RAB3IP: variants seen among roughly 807,000 people sequenced by gnomAD.
The protein encoded by RAB3IP is RAB3A interacting protein, also known as rab-3A-interacting protein.
Under a neutral mutation model 59.1 loss-of-function variants are expected in RAB3IP, and 36 were observed. The observed-to-expected ratio is 0.61, with a 90% CI of 0.47 to 0.80. RAB3IP has a LOEUF of 0.80. Among genes scored for constraint, RAB3IP ranks in the 30% least tolerant of loss-of-function variants. RAB3IP has a pLI of 0.00. For synonymous variants in RAB3IP, 207 were observed against 191.2 expected, an observed-to-expected ratio of 1.08 and a Z score of -0.68; for missense variants, 511 against 536.0, an observed-to-expected ratio of 0.95 and a Z score of 0.46.
chr12:69,792,435 T>G (rs576276794), intron 4 of RAB3IP, among the ~76,000 whole-genome samples: 1 of 152,348 alleles, frequency 6.6e-6, no homozygotes, highest in South Asian at 2.1e-4. Flanking sequence ...GCTTTCATAT[T>G]GCAACAGCAG....
intron 3 of RAB3IP, among the ~76,000 whole-genome samples, chr12:69,758,180 TTTAC>T (rs1870530365): frequency 1.3e-5 from 2 of 152,342 alleles, no homozygotes; most frequent in African/African-American, 2.4e-5. Context: ...TTCTATACTT[TTTAC>T]TTACTTGGTT....
intron 3 of RAB3IP, among the ~76,000 whole-genome samples, chr12:69,760,226 G>T (rs532719092): frequency 1.3e-5 from 2 of 152,376 alleles, no homozygotes; most frequent in South Asian, 4.1e-4. Context: ...AAAAAAATAC[G>T]AAAACCAGTC....
At chr12:69,744,188 G>A (rs375180501) in intron 1 of RAB3IP, among the ~76,000 whole-genome samples, 26 of 151,880 alleles carry the variant, frequency 1.7e-4, no homozygotes, top group African/African-American at 5.3e-4. Context: ...CCCTGTGTCC[G>A]TGTGTTCTCA....
intron 1 of RAB3IP, among the ~76,000 whole-genome samples, chr12:69,747,984 G>C (rs1468733719): frequency 2.0e-5 from 3 of 151,880 alleles, no homozygotes; most frequent in Non-Finnish European, 2.9e-5. Context: ...GTAGTGCTTT[G>C]AGGAATTTTA....
At chr12:69,747,451 G>T (rs1387930472) in intron 1 of RAB3IP, among the ~76,000 whole-genome samples, 1 of 152,092 alleles carries the variant, frequency 6.6e-6, no homozygotes, top group Non-Finnish European at 1.5e-5. Flanking sequence ...ACAGGCGTAT[G>T]CCACCACACT....
At chr12:69,751,365 C>A (rs1412696977) in intron 1 of RAB3IP, among the ~76,000 whole-genome samples, 1 of 152,070 alleles carries the variant, frequency 6.6e-6, no homozygotes, top group Non-Finnish European at 1.5e-5. Context: ...TGGAATCAGC[C>A]ATTTTTCCCA....
At chr12:69,801,397 T>C (rs1407481410) in intron 7 of RAB3IP, among the ~76,000 whole-genome samples, 2 of 152,158 alleles carry the variant, frequency 1.3e-5, no homozygotes, top group Admixed American at 6.6e-5. Context: ...ATGAGGAAAG[T>C]TATTTTACCA....
intron 1 of RAB3IP, among the ~76,000 whole-genome samples, chr12:69,750,587 A>C (rs1272192903): frequency 7.5e-6 from 1 of 133,696 alleles, no homozygotes; most frequent in African/African-American, 2.8e-5. Context: ...AAAACCAAGT[A>C]GTTTGTTTAT....
chr12:69,804,599 G>T lies in RAB3IP; in HGVS notation c.1130+2878G>T, dbSNP rs138804353. Among the ~76,000 whole-genome samples the T allele has an allele frequency of 5.8e-4, 89 of 152,264 alleles. 1 individual carries two copies. The highest frequency in any genetic ancestry group is 2.1e-3 in the African/African-American group (86 of 41,554). ...CCTATGTCCTGAATGGTATTGCGTA[G>T]GTTTTCTTCTAGGGTTTTTATAGTT... On this transcript the variant is annotated intron_variant, in intron 8 of 10. Transcript: ENST00000247833.
chr12:69,746,923 A>G (rs2136104786), intron 1 of RAB3IP, among the ~76,000 whole-genome samples: 1 of 152,338 alleles, frequency 6.6e-6, no homozygotes, highest in Middle Eastern at 3.4e-3. Context: ...GAAAGAGGAA[A>G]ATAGTGCTTA....
chr12:69,794,738 C>A (rs1366246384), intron 5 of RAB3IP, among the ~76,000 whole-genome samples: 1 of 152,156 alleles, frequency 6.6e-6, no homozygotes, highest in Non-Finnish European at 1.5e-5. Context: ...TTGTAAATCA[C>A]ATGAATTATC....
At chr12:69,766,579 G>T (rs1331195124) in intron 3 of RAB3IP, among the ~76,000 whole-genome samples, 2 of 150,820 alleles carry the variant, frequency 1.3e-5, no homozygotes, top group Admixed American at 1.3e-4. Flanking sequence ...GGAGTGCAAT[G>T]GCACCATCTC....
rs994279258 is a variant in RAB3IP at position 69,820,554 on chromosome 12, A to G, written c.*5108A>G. The stretch of plus-strand genomic sequence containing the variant: ...TTGAGTGGCTTCCCATTGCACTTAG[A>G]AAAAAAAAAAAAAAAAAAAACTGGC... On this transcript the variant is annotated 3_prime_UTR_variant, in exon 11 of 11. Transcript: ENST00000247833. 2.3e-3 allele frequency: 119 copies of G among 51,424 alleles called. 1 individual carries two copies. Among genetic ancestry groups the G allele is most frequent in the African/African-American group, 0.015 (100 of 6,782 alleles). 3.2% of individuals were successfully genotyped at this position (51,424 alleles called of 1,614,324 possible).
At chr12:69,807,729 G>C (rs554315324) in intron 8 of RAB3IP, among the ~76,000 whole-genome samples, 1 of 147,702 alleles carries the variant, frequency 6.8e-6, no homozygotes, top group African/African-American at 2.5e-5. Context: ...TGGGGCGGCC[G>C]GGCAGAGGTG....
intron 3 of RAB3IP, among the ~76,000 whole-genome samples, chr12:69,765,608 C>T (rs1872064999): frequency 6.6e-6 from 1 of 152,032 alleles, no homozygotes; most frequent in African/African-American, 2.4e-5. Flanking sequence ...TAAGTGTGAC[C>T]AGGAGGTCTG....
At position 69,800,269 on chromosome 12, in the gene RAB3IP, A is replaced by T; in HGVS notation, c.949A>T (p.Thr317Ser). The stretch of plus-strand genomic sequence containing the variant: ...GAAGGATGAGCCCACAATGGACAGG[A>T]CGTGTCCTTTCTTAGACAAAATCTA... ...LWKDEPTMDR[T>S]CPFLDKIYQE... Residue 317 changes from threonine (T) to serine (S), a missense_variant, in exon 7 of 11, where the codon ACG becomes TCG. Thr to Ser is a moderately conservative substitution (Grantham distance 58). Coordinates refer to ENST00000247833, the MANE Select transcript of RAB3IP (RefSeq NM_022456.5). 6.3e-7 allele frequency: 1 copy of T among 1,597,242 alleles called. No homozygotes were observed. Among genetic ancestry groups the T allele is most frequent in the East Asian group, 2.3e-5 (1 of 44,146 alleles).
At chr12:69,794,381 C>CTT in intron 4 of RAB3IP, 56 bp from the exon 5 acceptor site, 3 of 1,462,580 alleles carry the variant, frequency 2.1e-6, no homozygotes, top group Non-Finnish European at 2.9e-6. Flanking sequence ...TTGGCAAGAA[C>CTT]TTTTTGAAAA....
intron 1 of RAB3IP, among the ~76,000 whole-genome samples, chr12:69,745,967 T>C (rs575286397): frequency 5.3e-5 from 8 of 152,302 alleles, no homozygotes; most frequent in Non-Finnish European, 1.2e-4. Flanking sequence ...TTTATATATC[T>C]GTAAAGTAGG....
At chr12:69,744,973 T>G (rs943500358) in intron 1 of RAB3IP, among the ~76,000 whole-genome samples, 2 of 152,088 alleles carry the variant, frequency 1.3e-5, no homozygotes, top group African/African-American at 4.8e-5. Flanking sequence ...TTTTCCTCCT[T>G]TATTATACAG....
Sources: gnomAD v4.1 joint callset for allele counts (sites outside exome capture counted in the v4.1 genomes callset) on GRCh38, gnomAD v4.1.1 for gene constraint, MANE v1.5 for transcripts, NCBI Gene and HGNC (gene_info 2026-07-23, HGNC 2026-07-21) for gene names.